Variants in MOB3B observed in about 807,000 individuals in gnomAD.
The protein encoded by MOB3B is MOB kinase activator 3B, also known as MOB kinase activator-like 2B.
A neutral mutation model predicts 18.7 loss-of-function variants in MOB3B; 7 were observed. That is an observed-to-expected ratio of 0.37 (90% CI 0.21 to 0.70). The LOEUF (loss-of-function observed/expected upper bound fraction) is 0.70. Among genes scored for constraint, MOB3B ranks in the 30% least tolerant of loss-of-function variants. The probability of loss-of-function intolerance (pLI) is 0.52; values close to 1 mark genes in which losing one functional copy is unlikely to be tolerated. For synonymous variants in MOB3B, 111 were observed against 99.9 expected (o/e 1.11, Z -0.66); for missense variants, 253 against 281.3 (o/e 0.90, Z 0.72).
chr9:27,431,204 A>G (rs575841251), intron 2 of MOB3B, among the ~76,000 whole-genome samples: 85 of 152,322 alleles, frequency 5.6e-4, no homozygotes, highest in African/African-American at 1.9e-3. Context: ...TACAATTTAA[A>G]AATAAATAAA....
At chr9:27,390,341 T>C (rs576416943) in intron 2 of MOB3B, among the ~76,000 whole-genome samples, 1 of 152,156 alleles carries the variant, frequency 6.6e-6, no homozygotes, top group Admixed American at 6.5e-5. Flanking sequence ...CCTCTGGGGT[T>C]ACAGGCACCC....
chr9:27,466,835 T>G (rs1435722057), intron 1 of MOB3B, among the ~76,000 whole-genome samples: 1 of 152,138 alleles, frequency 6.6e-6, no homozygotes, highest in Non-Finnish European at 1.5e-5. Context: ...TCCTACAATA[T>G]GTGGGAATTT....
At chr9:27,402,202 C>T (rs188186834) in intron 2 of MOB3B, among the ~76,000 whole-genome samples, 107 of 152,294 alleles carry the variant, frequency 7.0e-4, no homozygotes, top group Admixed American at 2.1e-3. Context: ...AAACGGTAAA[C>T]ATTTGGTTGA....
chr9:27,453,232 C>A (rs1367725271), intron 2 of MOB3B, among the ~76,000 whole-genome samples: 2 of 152,128 alleles, frequency 1.3e-5, no homozygotes, highest in African/African-American at 4.8e-5. Flanking sequence ...CTTGGAAATT[C>A]ATAATGCACA....
At chr9:27,367,976 C>T (rs1821362508) in intron 2 of MOB3B, among the ~76,000 whole-genome samples, 2 of 152,156 alleles carry the variant, frequency 1.3e-5, no homozygotes, top group Admixed American at 6.5e-5. Flanking sequence ...GGCATTTGTG[C>T]TGTCCCTTCT....
At chr9:27,394,796 C>CT (rs1821777046) in intron 2 of MOB3B, among the ~76,000 whole-genome samples, 1 of 152,026 alleles carries the variant, frequency 6.6e-6, no homozygotes, top group South Asian at 2.1e-4. Context: ...AGTAAACATA[C>CT]TTTTTAATAA....
At chr9:27,413,461 G>A (rs1170117700) in intron 2 of MOB3B, among the ~76,000 whole-genome samples, 1 of 152,202 alleles carries the variant, frequency 6.6e-6, no homozygotes, top group African/African-American at 2.4e-5. Context: ...AGGGATAGCA[G>A]GAGACAAAGA....
At position 27,326,283 on chromosome 9, in the gene MOB3B, C is replaced by T; in HGVS notation, c.*4304G>A. 2.5e-6 allele frequency: 1 copy of T among 392,956 alleles called. No individual in the cohort carries two copies. The highest frequency in any genetic ancestry group is 3.6e-5 in the East Asian group (1 of 27,764). 24.3% of individuals were successfully genotyped at this position (392,956 alleles called of 1,614,324 possible). On this transcript the variant is annotated 3_prime_UTR_variant, in exon 4 of 4. Transcript: ENST00000262244. ...TGGTCAACAATGGAGCAACAAGACT[C>T]CGTAGAGGATGCCACCCTGGGAGAA...
chr9:27,466,218 C>T (rs1819381347), intron 1 of MOB3B, among the ~76,000 whole-genome samples: 1 of 152,208 alleles, frequency 6.6e-6, no homozygotes, highest in African/African-American at 2.4e-5. Context: ...CCTAAATCAT[C>T]TCTCTCAAGT....
At chr9:27,407,192 G>GAT (rs1272376594) in intron 2 of MOB3B, among the ~76,000 whole-genome samples, 1 of 152,134 alleles carries the variant, frequency 6.6e-6, no homozygotes, top group Non-Finnish European at 1.5e-5. Context: ...AGAGGTCTAG[G>GAT]AAAGACTGAA....
At chr9:27,460,136 G>A (rs540911634) in intron 1 of MOB3B, among the ~76,000 whole-genome samples, 7 of 152,166 alleles carry the variant, frequency 4.6e-5, no homozygotes, top group Non-Finnish European at 1.0e-4. Context: ...TTTGAGGTTA[G>A]TTATTGACTT....
intron 1 of MOB3B, among the ~76,000 whole-genome samples, chr9:27,478,606 A>G (rs1161680109): frequency 6.6e-6 from 1 of 152,182 alleles, no homozygotes; most frequent in Non-Finnish European, 1.5e-5. Context: ...AGAAAGAAAA[A>G]AGGGATCAAA....
At chr9:27,527,669 G>A (rs1820457562) in intron 1 of MOB3B, among the ~76,000 whole-genome samples, 1 of 152,210 alleles carries the variant, frequency 6.6e-6, no homozygotes, top group East Asian at 1.9e-4. Context: ...TTCCTTGGAA[G>A]AGGGACTCAT....
intron 1 of MOB3B, among the ~76,000 whole-genome samples, chr9:27,459,757 A>G (rs1448674583): frequency 6.6e-6 from 1 of 152,112 alleles, no homozygotes; most frequent in East Asian, 1.9e-4. Context: ...ACCTTTTCAT[A>G]AATGCCAGGT....
intron 2 of MOB3B, among the ~76,000 whole-genome samples, chr9:27,363,262 GT>G (rs1310312258): frequency 2.0e-5 from 3 of 151,910 alleles, no homozygotes; most frequent in African/African-American, 7.3e-5. Flanking sequence ...CAGGTTTTTC[GT>G]TTTTTTGTTT....
At chr9:27,510,024 C>T (rs1820120578) in intron 1 of MOB3B, among the ~76,000 whole-genome samples, 1 of 152,226 alleles carries the variant, frequency 6.6e-6, no homozygotes, top group South Asian at 2.1e-4. Flanking sequence ...TGCACCCAGC[C>T]TCCAACAAAT....
At chr9:27,398,605 T>C (rs1821833916) in intron 2 of MOB3B, among the ~76,000 whole-genome samples, 1 of 152,114 alleles carries the variant, frequency 6.6e-6, no homozygotes, top group South Asian at 2.1e-4. Flanking sequence ...GAAGTCATGA[T>C]TGAGACTTAA....
At chr9:27,341,275 G>A (rs1820937516) in intron 3 of MOB3B, among the ~76,000 whole-genome samples, 1 of 152,216 alleles carries the variant, frequency 6.6e-6, no homozygotes, top group Admixed American at 6.5e-5. Context: ...TCCTTTTGGA[G>A]GGAGTATTCT....
At chr9:27,411,543 C>G (rs918971169) in intron 2 of MOB3B, among the ~76,000 whole-genome samples, 1 of 152,204 alleles carries the variant, frequency 6.6e-6, no homozygotes, top group Non-Finnish European at 1.5e-5. Context: ...CCTAACTAGT[C>G]TCATCAGAAT....
Sources: gnomAD v4.1 joint callset for allele counts (sites outside exome capture counted in the v4.1 genomes callset) on GRCh38, gnomAD v4.1.1 for gene constraint, MANE v1.5 for transcripts, NCBI Gene and HGNC (gene_info 2026-07-23, HGNC 2026-07-21) for gene names.